The following WDR35 variants were observed in gnomAD, a reference collection of about 807,000 sequenced individuals.
WDR35 encodes the protein WD repeat domain 35.
A neutral mutation model predicts 158.3 loss-of-function variants in WDR35; 118 were observed. The ratio of observed to expected loss-of-function variants is 0.75; its 90% CI spans 0.64 to 0.87. The LOEUF is 0.87. Among genes scored for constraint, WDR35 ranks in the 40% least tolerant of loss-of-function variants. The probability of loss-of-function intolerance (pLI) is 0.00; values close to 1 mark genes in which losing one functional copy is unlikely to be tolerated. For missense variants in WDR35, 1,263 were observed against 1,405.8 expected (o/e 0.90, Z 1.62); for synonymous variants, 448 against 476.1 (o/e 0.94, Z 0.77).
chr2:19,950,000 A>G (rs962425193), intron 13 of WDR35, among the ~76,000 whole-genome samples: 6 of 152,216 alleles, frequency 3.9e-5, no homozygotes, highest in African/African-American at 1.4e-4. Flanking sequence ...ATGGCAAGAA[A>G]TATGTTATTC....
chr2:19,953,731 A>T (rs1257168638), intron 12 of WDR35, 103 bp downstream of exon 12: 1 of 1,446,288 alleles, frequency 6.9e-7, no homozygotes, highest in African/African-American at 1.4e-5. Flanking sequence ...CATTTCTACT[A>T]ATCAAGACAC....
intron 8 of WDR35, among the ~76,000 whole-genome samples, chr2:19,970,076 A>G (rs1671990682): frequency 6.6e-6 from 1 of 152,158 alleles, no homozygotes; most frequent in South Asian, 2.1e-4. Context: ...AATGAAAAAC[A>G]TGCATATAAG....
At chr2:19,979,674 T>G (rs1196059022) in intron 4 of WDR35, among the ~76,000 whole-genome samples, 1 of 151,850 alleles carries the variant, frequency 6.6e-6, no homozygotes, top group African/African-American at 2.4e-5. Context: ...CAGAGCAGGA[T>G]AACAGAATCG....
rs1296965420 is a variant in WDR35, at chr2:19,914,207, T to C, written c.3192A>G (p.Ala1064=). The change falls in exon 26 of 27, where the codon GCA becomes GCG. Residue 1064 remains alanine, a synonymous_variant. Transcript: ENST00000281405. ...VEIYSLLALC[A]CASRAFGTCS... ...AAGTCCCAAAGGCTCTGCTGGCGCATGCGCAGAGTGCTAGCAGAGAGTAGA... is the reference window on the plus strand; with the variant it reads ...AAGTCCCAAAGGCTCTGCTGGCGCACGCGCAGAGTGCTAGCAGAGAGTAGA... The C allele has an allele frequency of 2.5e-6, 4 of 1,614,082 alleles. No homozygotes were observed. The highest frequency in any genetic ancestry group is 1.7e-5 in the Admixed American group (1 of 60,004).
intron 25 of WDR35, among the ~76,000 whole-genome samples, chr2:19,925,116 A>G (rs1370850367): frequency 2.6e-5 from 4 of 152,244 alleles, no homozygotes; most frequent in African/African-American, 9.6e-5. Flanking sequence ...TATGCTGCAC[A>G]AAACTGTGAG....
Position 19,982,456 on chromosome 2 carries a change from G to T in WDR35, c.214+7C>A. The T allele has an allele frequency of 6.2e-7, 1 of 1,613,144 alleles. No homozygotes were observed. Among genetic ancestry groups the T allele is most frequent in the South Asian group, 1.1e-5 (1 of 90,832 alleles). On this transcript the variant is annotated splice_region_variant and intron_variant, in intron 3 of 26. Coordinates refer to ENST00000281405, the MANE Select transcript of WDR35 (RefSeq NM_020779.4). ...AAACATGACTTAAAAGAAATTGAAT[G>T]ACTCACCACTATGACCTTCAAGAGT...
At chr2:19,949,887 T>C (rs1671180634) in intron 13 of WDR35, among the ~76,000 whole-genome samples, 1 of 152,148 alleles carries the variant, frequency 6.6e-6, no homozygotes, top group Non-Finnish European at 1.5e-5. Flanking sequence ...ACCACTGATA[T>C]ATAGAATATA....
chr2:19,967,979 A>G (rs531935178), intron 9 of WDR35, among the ~76,000 whole-genome samples: 2 of 152,250 alleles, frequency 1.3e-5, no homozygotes, highest in South Asian at 2.1e-4. Context: ...AGATTTAGTC[A>G]TGTCTCCTTA....
intron 2 of WDR35, among the ~76,000 whole-genome samples, chr2:19,984,010 T>C (rs1382989269): frequency 2.0e-4 from 1 of 4,926 alleles, no homozygotes; most frequent in African/African-American, 2.5e-4. Context: ...TGCATATATA[T>C]ATATATATAT....
intron 10 of WDR35, chr2:19,962,211 T>C: frequency 6.9e-7 from 1 of 1,458,372 alleles, no homozygotes; most frequent in South Asian, 1.2e-5. Context: ...TCCCCTCATA[T>C]TGCTACAGTT....
chr2:19,954,127 T>A, intron 11 of WDR35, 149 bp from the exon 12 acceptor site: 2 of 854,426 alleles, frequency 2.3e-6, no homozygotes, highest in Non-Finnish European at 3.6e-6. Flanking sequence ...ACACAGTCTC[T>A]GAAATCAGAA....
intron 7 of WDR35, 77 bp from the exon 8 acceptor site, chr2:19,973,785 T>G (rs1672105605): frequency 4.6e-6 from 7 of 1,531,598 alleles, no homozygotes; most frequent in Non-Finnish European, 6.2e-6. Flanking sequence ...AAGAACAACT[T>G]TTAAACATTT....
chr2:19,973,732 G>T (rs1464489680), intron 7 of WDR35, 24 bp from the exon 8 acceptor site: 3 of 1,603,940 alleles, frequency 1.9e-6, no homozygotes, highest in Non-Finnish European at 2.6e-6. Context: ...GAAAAATGAG[G>T]TCACTGTGGG....
chr2:19,963,460 C>T (rs886305715), intron 10 of WDR35, among the ~76,000 whole-genome samples: 1 of 152,106 alleles, frequency 6.6e-6, no homozygotes, highest in African/African-American at 2.4e-5. Context: ...GCTGCAAGGG[C>T]TCAAATATGT....
intron 4 of WDR35, among the ~76,000 whole-genome samples, chr2:19,979,711 G>C (rs1305464840): frequency 6.6e-6 from 1 of 150,612 alleles, no homozygotes; most frequent in Admixed American, 6.7e-5. Context: ...AAGACCTGAA[G>C]ACCTACCTTG....
chr2:19,965,664 T>A (rs561813444), intron 10 of WDR35, among the ~76,000 whole-genome samples: 2 of 152,296 alleles, frequency 1.3e-5, no homozygotes, highest in East Asian at 3.9e-4. Flanking sequence ...CTCTGCTTGA[T>A]GCTCTTCAGC....
At position 19,969,417 on chromosome 2, in the gene WDR35, G is replaced by A. The variant is rs1671963469; in HGVS notation, c.1008+63C>T. ...AACAAGACAGCTTTGAATATACTTT[G>A]AGCTATAGCAAAATTATTTAGTAAG... On this transcript the variant is annotated intron_variant, in intron 9 of 26. Transcript: ENST00000281405. 6 of 1,534,276 alleles carry A rather than the reference G, an allele frequency of 3.9e-6. No individual in the cohort carries two copies. In the South Asian group the frequency reaches 7.0e-5, roughly 18 times the overall value.
rs775800151 is a variant in WDR35, at chr2:19,990,017, G to C, written c.-2C>G. The C allele has an allele frequency of 1.2e-6, 2 of 1,613,938 alleles. No homozygotes were observed. The highest frequency in any genetic ancestry group is 1.7e-5 in the Admixed American group (1 of 59,994). Reference sequence around the variant, plus strand: ...TTTCTTGCTCAGGTAGAAGAACATCGTGGGATCCCCGAGAGGGTCACGGCG... The same window carrying C: ...TTTCTTGCTCAGGTAGAAGAACATCCTGGGATCCCCGAGAGGGTCACGGCG... On this transcript the variant is annotated 5_prime_UTR_variant, in exon 1 of 27. Coordinates refer to ENST00000281405, the MANE Select transcript of WDR35 (RefSeq NM_020779.4).
intron 5 of WDR35, 115 bp downstream of exon 5, chr2:19,978,636 T>C (rs1297385403): frequency 6.8e-7 from 1 of 1,468,042 alleles, no homozygotes; most frequent in Non-Finnish European, 9.4e-7. Context: ...ATAGTTTCCC[T>C]TTTATGTCTA....
Sources: gnomAD v4.1 joint callset for allele counts (sites outside exome capture counted in the v4.1 genomes callset) on GRCh38, gnomAD v4.1.1 for gene constraint, MANE v1.5 for transcripts, NCBI Gene and HGNC (gene_info 2026-07-23, HGNC 2026-07-21) for gene names.